ZNF407: variants seen among roughly 807,000 people sequenced by gnomAD.
ZNF407 encodes zinc finger protein 407.
A neutral mutation model predicts 131.2 loss-of-function variants in ZNF407; 17 were observed. That is an observed-to-expected ratio of 0.13 (90% CI 0.09 to 0.19). The LOEUF is 0.19. Ranked by LOEUF, ZNF407 falls within the 10% of genes least tolerant of loss-of-function variation. The pLI, the probability that ZNF407 is intolerant of heterozygous loss-of-function variation, is 1.00. For missense variants in ZNF407, 2,681 were observed against 2,830.6 expected (o/e 0.95, Z 1.20); for synonymous variants, 1,156 against 1,062.0 (o/e 1.09, Z -1.72).
chr18:74,916,821 T>A (rs1971778105), intron 7 of ZNF407, among the ~76,000 whole-genome samples: 1 of 151,384 alleles, frequency 6.6e-6, no homozygotes, highest in Non-Finnish European at 1.5e-5. Flanking sequence ...TGTGCTGGTA[T>A]GGTGAGGTTG....
At chr18:74,799,697 T>C (rs1415619762) in intron 4 of ZNF407, among the ~76,000 whole-genome samples, 1 of 152,038 alleles carries the variant, frequency 6.6e-6, no homozygotes, top group Non-Finnish European at 1.5e-5. Context: ...ATTGTTTGGA[T>C]TAGCATTCAG....
intron 1 of ZNF407, among the ~76,000 whole-genome samples, chr18:74,620,063 A>G (rs1219838131): frequency 2.0e-5 from 3 of 151,982 alleles, no homozygotes; most frequent in African/African-American, 7.2e-5. Flanking sequence ...GGAAATGCCA[A>G]TAAAGCATTG....
intron 3 of ZNF407, among the ~76,000 whole-genome samples, chr18:74,699,670 C>T (rs975970902): frequency 6.6e-6 from 1 of 152,000 alleles, no homozygotes; most frequent in Non-Finnish European, 1.5e-5. Context: ...CCTTAATTTG[C>T]TAGATTTGGA....
rs1019585731 is a variant in ZNF407 at position 74,631,435 on chromosome 18, C to T, written c.416C>T (p.Thr139Ile). The change falls in exon 2 of 9, where the codon ACT (threonine) becomes ATT (isoleucine). Residue 139 changes from threonine (T) to isoleucine (I), a missense_variant. This residue lies in a region of ZNF407 where 1,789 missense variants were observed against 1,748.7 expected (regional missense o/e 1.02). Coordinates refer to ENST00000299687, the MANE Select transcript of ZNF407 (RefSeq NM_017757.3). ...NALSPSCNFSTIDVVSLKTDT... is the reference protein window; with the variant it reads ...NALSPSCNFSIIDVVSLKTDT... ...CTCTCCCCTTCTTGCAATTTTAGCA[C>T]TATTGATGTTGTTTCTCTGAAAACA... 1.5e-5 allele frequency: 24 copies of T among 1,613,852 alleles called. No homozygotes were observed. The African/African-American group carries it at 2.8e-4, about 19-fold the overall frequency.
intron 3 of ZNF407, among the ~76,000 whole-genome samples, chr18:74,658,387 A>C (rs1185561256): frequency 3.9e-5 from 6 of 152,116 alleles, no homozygotes; most frequent in Admixed American, 1.3e-4. Context: ...AAAGTGTGGG[A>C]TTACAGGTGT....
At chr18:74,743,823 A>T (rs8087421) in intron 3 of ZNF407, among the ~76,000 whole-genome samples, 19,431 of 152,092 alleles carry the variant, frequency 0.13, 2,129 homozygotes, top group African/African-American at 0.3. Context: ...ATACTTTTTA[A>T]AATATTTGAA....
chr18:74,755,885 C>CTTTTTTTTTTTTTT (rs34750560), intron 3 of ZNF407, among the ~76,000 whole-genome samples: 1 of 25,834 alleles, frequency 3.9e-5, no homozygotes, highest in Non-Finnish European at 6.0e-5. Context: ...CTTTTCCTTC[C>CTTTTTTTTTTTTTT]TTTTTTTTTT....
intron 5 of ZNF407, 36 bp from the exon 6 acceptor site, chr18:74,881,000 C>T (rs1414186989): frequency 3.9e-6 from 6 of 1,547,540 alleles, no homozygotes; most frequent in Non-Finnish European, 5.3e-6. Context: ...TGATCTGTGA[C>T]CTCCGCAGTC....
chr18:74,822,578 T>A (rs1383580883), intron 4 of ZNF407, among the ~76,000 whole-genome samples: 2 of 152,212 alleles, frequency 1.3e-5, no homozygotes, highest in Non-Finnish European at 2.9e-5. Flanking sequence ...TGGTTGTAGA[T>A]GTGTGGTGTT....
At chr18:75,058,280 C>T (rs1268933475) in intron 8 of ZNF407, among the ~76,000 whole-genome samples, 1 of 152,210 alleles carries the variant, frequency 6.6e-6, no homozygotes, top group Non-Finnish European at 1.5e-5. Flanking sequence ...AAAGCAAATC[C>T]TCAGACACCC....
intron 8 of ZNF407, among the ~76,000 whole-genome samples, chr18:75,022,558 A>G (rs750133008): frequency 1.3e-5 from 2 of 152,232 alleles, no homozygotes; most frequent in Non-Finnish European, 2.9e-5. Context: ...ACCACCTAAG[A>G]CTATACGAGT....
chr18:74,913,182 A>T (rs1026564792), intron 7 of ZNF407, among the ~76,000 whole-genome samples: 6 of 152,204 alleles, frequency 3.9e-5, no homozygotes, highest in African/African-American at 1.4e-4. Context: ...ATGCCCATTG[A>T]CATTTGAAGC....
chr18:74,952,418 C>A (rs1032768838), intron 8 of ZNF407, among the ~76,000 whole-genome samples: 1 of 152,204 alleles, frequency 6.6e-6, no homozygotes, highest in Non-Finnish European at 1.5e-5. Flanking sequence ...AAGTTACCCA[C>A]CTGTTTACTG....
At chr18:74,755,717 C>CTTCT (rs1555684065) in intron 3 of ZNF407, among the ~76,000 whole-genome samples, 1 of 73,958 alleles carries the variant, frequency 1.4e-5, no homozygotes, top group African/African-American at 4.0e-5. Context: ...GCCTGCCTCT[C>CTTCT]TTCTTTCTTT....
chr18:74,948,482 G>C lies in ZNF407; in HGVS notation c.5428+27790G>C, dbSNP rs1237104311. 2.6e-5 allele frequency among the ~76,000 whole-genome samples: 4 copies of C among 152,116 alleles called. 1 individual carries two copies. The highest frequency in any genetic ancestry group is 2.6e-4 in the Admixed American group (4 of 15,274). The stretch of plus-strand genomic sequence containing the variant: ...AGACAATAAGTATCCATAGACATCA[G>C]CTTTGCAGTTTCGATTCTATGGAAA... On this transcript the variant is annotated intron_variant, in intron 8 of 8. Transcript: ENST00000299687.
At chr18:74,654,770 A>G (rs1436033000) in intron 3 of ZNF407, among the ~76,000 whole-genome samples, 1 of 151,886 alleles carries the variant, frequency 6.6e-6, no homozygotes, top group East Asian at 1.9e-4. Context: ...TATTAAGCAC[A>G]AAGAATACTG....
Position 74,634,709 on chromosome 18 carries a change from T to C in ZNF407, c.3690T>C (p.Cys1230=). ...SNDAGELRVH[C]EGEGGNAGDG... is the part of the protein sequence containing the mutation. ...ATGCAGGTGAGCTGCGTGTCCATTG[T>C]GAGGGTGAAGGAGGAAACGCAGGAG... The change falls in exon 2 of 9, where the codon TGT becomes TGC. Residue 1230 remains cysteine (C), a synonymous_variant. Coordinates refer to ENST00000299687, the MANE Select transcript of ZNF407 (RefSeq NM_017757.3). 6.2e-7 allele frequency: 1 copy of C among 1,613,982 alleles called. No individual in the cohort carries two copies. Among genetic ancestry groups the C allele is most frequent in the East Asian group, 2.2e-5 (1 of 44,882 alleles).
chr18:74,707,272 A>G (rs578037016), intron 3 of ZNF407, among the ~76,000 whole-genome samples: 22 of 152,184 alleles, frequency 1.4e-4, no homozygotes, highest in South Asian at 1.2e-3. Flanking sequence ...CATTTACCCA[A>G]TACACTCTGT....
At chr18:74,605,850 C>A (rs550610549) in intron 1 of ZNF407, among the ~76,000 whole-genome samples, 1 of 152,166 alleles carries the variant, frequency 6.6e-6, no homozygotes, top group East Asian at 1.9e-4. Context: ...ACCCAGCCCA[C>A]GTCTGTGTGT....
Sources: gnomAD v4.1 joint callset for allele counts (sites outside exome capture counted in the v4.1 genomes callset) on GRCh38, gnomAD v4.1.1 for gene constraint, gnomAD v4.1.1 regional missense constraint, MANE v1.5 for transcripts, NCBI Gene and HGNC (gene_info 2026-07-23, HGNC 2026-07-21) for gene names.